Variants in MAP4 observed in about 807,000 individuals in gnomAD.
MAP4 encodes the protein microtubule-associated protein 4.
In MAP4, 76 loss-of-function variants were observed where a neutral mutation model predicts 170.2. The ratio of observed to expected loss-of-function variants is 0.45; its 90% CI spans 0.37 to 0.54. The LOEUF (loss-of-function observed/expected upper bound fraction) is 0.54, where lower values mean the gene tolerates loss of function less well. MAP4 is among the 20% of genes least tolerant of loss of function. The pLI is 0.00. For synonymous variants in MAP4, 909 were observed against 994.5 expected, an observed-to-expected ratio of 0.91 and a Z score of 1.62; for missense variants, 2,506 against 2,748.0, an observed-to-expected ratio of 0.91 and a Z score of 1.97.
Position 47,852,724 on chromosome 3 carries a change from G to C in MAP4, c.*210C>G. On this transcript the variant is annotated 3_prime_UTR_variant, in exon 21 of 21. Transcript: ENST00000683076. Reference sequence around the variant, plus strand: ...GTGGGGCAGGGCTGCTGCTGCCCCGGGCACGCAAAGCAGGAGGGAAGGCGA... The same window carrying C: ...GTGGGGCAGGGCTGCTGCTGCCCCGCGCACGCAAAGCAGGAGGGAAGGCGA... 6.6e-7 allele frequency: 1 copy of C among 1,518,744 alleles called. No individual in the cohort carries two copies. The highest frequency in any genetic ancestry group is 1.2e-5 in the South Asian group (1 of 80,846). 94.1% of individuals were successfully genotyped at this position (1,518,744 alleles called of 1,614,324 possible). A position where few individuals can be genotyped will look rare whatever the true frequency, so the allele number is the denominator to read the frequency against.
intron 3 of MAP4, among the ~76,000 whole-genome samples, chr3:47,969,415 C>T (rs1333215782): frequency 1.0e-4 from 4 of 38,980 alleles, no homozygotes; most frequent in East Asian, 7.4e-4. Context: ...TCGCGGGGCG[C>T]GGGGAGAGAA....
chr3:47,930,445 C>G (rs1196288061), intron 3 of MAP4, among the ~76,000 whole-genome samples: 2 of 149,300 alleles, frequency 1.3e-5, no homozygotes, highest in Admixed American at 6.6e-5. Flanking sequence ...GAGCGAGACT[C>G]CGTCTCAAAA....
At chr3:47,860,012 C>T (rs954470108) in intron 17 of MAP4, among the ~76,000 whole-genome samples, 6 of 152,298 alleles carry the variant, frequency 3.9e-5, no homozygotes, top group Middle Eastern at 3.4e-3. Flanking sequence ...ATCTCCCTAT[C>T]CTTATCCCCC....
intron 10 of MAP4, among the ~76,000 whole-genome samples, chr3:47,886,018 G>A (rs1236542022): frequency 3.9e-5 from 6 of 152,172 alleles, no homozygotes; most frequent in Admixed American, 6.5e-5. Flanking sequence ...GTGAGCCACC[G>A]CGCCCGGCTA....
intron 2 of MAP4, 123 bp downstream of exon 2, chr3:47,998,505 AACAAAGAAAC>A: frequency 1.4e-6 from 1 of 705,672 alleles, no homozygotes; most frequent in Non-Finnish European, 2.4e-6. Context: ...CTCGGTATCT[AACAAAGAAAC>A]ATAAAGTTAC....
chr3:48,015,933 C>T (rs1181114578), intron 1 of MAP4, among the ~76,000 whole-genome samples: 1 of 152,042 alleles, frequency 6.6e-6, no homozygotes, highest in African/African-American at 2.4e-5. Flanking sequence ...AAACTACAAC[C>T]CCCCTGAAGA....
intron 1 of MAP4, among the ~76,000 whole-genome samples, chr3:48,022,647 T>C (rs2100111102): frequency 6.6e-6 from 1 of 152,304 alleles, no homozygotes; most frequent in Middle Eastern, 3.4e-3. Context: ...TCCCAGCACT[T>C]TGCGAGGCTG....
intron 1 of MAP4, among the ~76,000 whole-genome samples, chr3:48,071,183 C>G (rs546207801): frequency 3.3e-5 from 5 of 152,102 alleles, no homozygotes; most frequent in African/African-American, 1.2e-4. Context: ...GTTTGTTACC[C>G]CCATGTCTCT....
intron 1 of MAP4, among the ~76,000 whole-genome samples, chr3:48,014,252 T>C (rs1314867486): frequency 6.6e-6 from 1 of 152,188 alleles, no homozygotes; most frequent in Non-Finnish European, 1.5e-5. Flanking sequence ...TGAAGAACCT[T>C]TTAAGCTCCA....
At chr3:47,981,400 A>G (rs577921586) in intron 2 of MAP4, among the ~76,000 whole-genome samples, 2 of 151,972 alleles carry the variant, frequency 1.3e-5, no homozygotes, top group East Asian at 3.9e-4. Flanking sequence ...AAAAATAAAT[A>G]AATAAATAAA....
rs181402445 is a variant in MAP4 at position 48,036,279 on chromosome 3, G to A, written c.-19-37400C>T. ...GAACACTAGTTTAATTGTTTATAAC[G>A]CTACCTCCCACCTTTTCCACCCACA... On this transcript the variant is annotated intron_variant, in intron 1 of 18. Coordinates refer to the MAP4 transcript ENST00000360240. 9.4e-4 allele frequency among the ~76,000 whole-genome samples: 143 copies of A among 152,088 alleles called. 2 individuals carry two copies. Among genetic ancestry groups the A allele is most frequent in the Non-Finnish European group, 8.7e-4 (59 of 67,970 alleles).
At chr3:47,880,382 A>G (rs2096496940) in intron 10 of MAP4, among the ~76,000 whole-genome samples, 1 of 147,048 alleles carries the variant, frequency 6.8e-6, no homozygotes, top group Non-Finnish European at 1.5e-5. Flanking sequence ...TGTTGGGATT[A>G]CAGGTGTGAG....
intron 9 of MAP4, among the ~76,000 whole-genome samples, chr3:47,904,371 A>T (rs918714911): frequency 3.3e-5 from 5 of 152,040 alleles, no homozygotes; most frequent in Admixed American, 6.6e-5. Context: ...GCTGGAGTGC[A>T]GTGGTGCGAT....
intron 4 of MAP4, among the ~76,000 whole-genome samples, chr3:47,922,927 G>A (rs1176901268): frequency 6.6e-6 from 1 of 152,126 alleles, no homozygotes; most frequent in African/African-American, 2.4e-5. Flanking sequence ...GCACGTGCCT[G>A]TAGTCCCAGC....
intron 2 of MAP4, among the ~76,000 whole-genome samples, chr3:47,995,250 C>CT (rs67017707): frequency 0.039 from 4,377 of 112,216 alleles, 278 homozygotes; most frequent in African/African-American, 0.13. Context: ...TTTTTCTTTT[C>CT]TTTTTTTTTT....
intron 3 of MAP4, among the ~76,000 whole-genome samples, chr3:47,958,086 C>T (rs772310240): frequency 2.0e-5 from 3 of 152,224 alleles, no homozygotes; most frequent in African/African-American, 4.8e-5. Flanking sequence ...ACTGAACCAA[C>T]AGGCTGAACC....
intron 10 of MAP4, among the ~76,000 whole-genome samples, chr3:47,885,367 C>CATCA (rs71070239): frequency 0.44 from 66,562 of 150,294 alleles, 15,604 homozygotes; most frequent in East Asian, 0.62. Context: ...CCATCTCTAC[C>CATCA]ATCAATCAAT....
At chr3:48,078,156 T>C (rs1398473132) in intron 1 of MAP4, among the ~76,000 whole-genome samples, 1 of 152,122 alleles carries the variant, frequency 6.6e-6, no homozygotes, top group Non-Finnish European at 1.5e-5. Context: ...GATTTTGTTT[T>C]GTTTTGTTTT....
At chr3:48,003,596 A>T (rs760413157) in intron 1 of MAP4, among the ~76,000 whole-genome samples, 8 of 152,206 alleles carry the variant, frequency 5.3e-5, no homozygotes, top group Non-Finnish European at 1.2e-4. Context: ...GGTTAAGACC[A>T]GGAAGAGTCT....
Sources: allele counts gnomAD v4.1 joint callset (sites outside exome capture counted in the v4.1 genomes callset), GRCh38; gene constraint gnomAD v4.1.1; transcripts MANE v1.5; gene names NCBI Gene and HGNC (gene_info 2026-07-23, HGNC 2026-07-21).